Variants in PRAG1 observed in about 807,000 individuals in gnomAD.
PRAG1 encodes PEAK1 related, kinase-activating pseudokinase 1.
PRAG1 carries 110 observed loss-of-function variants against 95.6 expected under a neutral mutation model. That is an observed-to-expected ratio of 1.15 (90% CI 0.99 to 1.35). The LOEUF (loss-of-function observed/expected upper bound fraction) is 1.35, where lower values mean the gene tolerates loss of function less well. Among genes scored for constraint, PRAG1 ranks in the 40% most tolerant of loss-of-function variants. The pLI is 0.00. For missense variants in PRAG1, 2,554 were observed against 1,864.7 expected, an observed-to-expected ratio of 1.37 and a Z score of -6.81; for synonymous variants, 1,052 against 819.4, an observed-to-expected ratio of 1.28 and a Z score of -4.85.
At chr8:8,358,327 C>T (rs1799743894) in intron 3 of PRAG1, among the ~76,000 whole-genome samples, 2 of 152,198 alleles carry the variant, frequency 1.3e-5, no homozygotes, top group Non-Finnish European at 1.5e-5. Context: ...AGAGGTTCTG[C>T]TATTCAGAAA....
chr8:8,354,380 C>CAA (rs34910024), intron 3 of PRAG1, among the ~76,000 whole-genome samples: 1 of 139,088 alleles, frequency 7.2e-6, no homozygotes, highest in African/African-American at 2.6e-5. Context: ...TAAATTCTTC[C>CAA]AAAAAAAAAA....
intron 5 of PRAG1, among the ~76,000 whole-genome samples, chr8:8,323,001 A>G (rs1798520678): frequency 6.6e-6 from 1 of 152,216 alleles, no homozygotes; most frequent in Admixed American, 6.5e-5. Context: ...GAATAAATCT[A>G]ATATTTTACA....
rs755907827 is a variant in PRAG1 at position 8,327,730 on chromosome 8, C to A, written c.3052G>T (p.Gly1018Cys). 3 of 1,613,390 alleles carry A rather than the reference C, an allele frequency of 1.9e-6. No homozygotes were observed. The highest frequency in any genetic ancestry group is 2.5e-6 in the Non-Finnish European group (3 of 1,179,504). The change falls in exon 5 of 6, where the codon GGC becomes TGC. Residue 1018 changes from glycine (G) to cysteine (C), a missense_variant. Gly to Cys is a radical substitution (Grantham distance 159). Transcript: ENST00000615670. ...YYCATCSEDP[G>C]STYAVKICKA... ...CCTACTTTCACAGCATAGGTGCTGC[C>A]GGGGTCCTCAGAGCAGGTGGCACAG...
chr8:8,346,789 G>C (rs955070462), intron 3 of PRAG1, among the ~76,000 whole-genome samples: 1 of 152,212 alleles, frequency 6.6e-6, no homozygotes, highest in Non-Finnish European at 1.5e-5. Context: ...TGTGATTGAG[G>C]CCGATTTTCA....
intron 3 of PRAG1, among the ~76,000 whole-genome samples, chr8:8,366,171 T>A (rs929893012): frequency 6.6e-6 from 1 of 152,120 alleles, no homozygotes; most frequent in Non-Finnish European, 1.5e-5. Flanking sequence ...TCATGGGACG[T>A]TCATAATCAC....
At chr8:8,335,338 C>A (rs1314242438) in intron 4 of PRAG1, among the ~76,000 whole-genome samples, 2 of 151,982 alleles carry the variant, frequency 1.3e-5, no homozygotes, top group African/African-American at 4.8e-5. Context: ...GCAGCAATTT[C>A]AAAAAATGAG....
At chr8:8,349,041 C>G (rs1799433611) in intron 3 of PRAG1, among the ~76,000 whole-genome samples, 2 of 152,194 alleles carry the variant, frequency 1.3e-5, no homozygotes, top group Non-Finnish European at 2.9e-5. Context: ...CACAGAGCAA[C>G]TGATAACCAT....
At position 8,318,123 on chromosome 8, in the gene PRAG1, G is replaced by A. The variant is rs201630636; in HGVS notation, c.*31C>T. Reference sequence around the variant, plus strand: ...AGACAGGAAAGGGTTAGGCAGGGAAGGGGCAGCGACGGTGCAGGCTGGGGC... The same window carrying A: ...AGACAGGAAAGGGTTAGGCAGGGAAAGGGCAGCGACGGTGCAGGCTGGGGC... On this transcript the variant is annotated 3_prime_UTR_variant, in exon 6 of 6. Transcript: ENST00000615670. This position sits in a 1 kb window ranked among gnomAD's most constrained non-coding sequence, Gnocchi z 4.2. The A allele has an allele frequency of 4.4e-4, 698 of 1,577,978 alleles. 4 individuals are homozygous for A. The African/African-American group carries it at 8.1e-3, about 18-fold the overall frequency.
chr8:8,379,971 T>C (rs543388339), intron 2 of PRAG1, among the ~76,000 whole-genome samples: 34 of 152,348 alleles, frequency 2.2e-4, no homozygotes, highest in African/African-American at 7.2e-4. Flanking sequence ...CCAGGCATGG[T>C]GGCTTATGCC....
At chr8:8,344,086 A>T (rs1191528233) in intron 3 of PRAG1, among the ~76,000 whole-genome samples, 1 of 152,174 alleles carries the variant, frequency 6.6e-6, no homozygotes, top group East Asian at 1.9e-4. Flanking sequence ...TGCATTTTAT[A>T]TTTACTCACA....
In PRAG1 at chr8:8,379,764, G is replaced by A. The variant is rs114110925; in HGVS notation, c.330+1654C>T. ...TGTCTAAAGACAGCAGATGCCAGCA[G>A]ACCCGGGCTATGTGCCCTCTGAGTT... On this transcript the variant is annotated intron_variant, in intron 2 of 5. Coordinates refer to ENST00000615670, the MANE Select transcript of PRAG1 (RefSeq NM_001080826.3). Among the ~76,000 whole-genome samples, 335 of 152,346 alleles carry A rather than the reference G, an allele frequency of 2.2e-3. 1 individual carries two copies. Among genetic ancestry groups the A allele is most frequent in the African/African-American group, 7.8e-3 (323 of 41,572 alleles).
Position 8,328,209 on chromosome 8 carries a change from T to A in PRAG1, c.2573A>T (p.Asp858Val), listed in dbSNP as rs1448895640. The change falls in exon 5 of 6, where the codon GAC becomes GTC. Residue 858 changes from aspartate to valine, a missense_variant. Asp to Val is a radical substitution (Grantham distance 152). Coordinates refer to ENST00000615670, the MANE Select transcript of PRAG1 (RefSeq NM_001080826.3). The part of the protein sequence containing the change: ...NLSHSETNVH[D>V]ESHFSYSLSP... The stretch of plus-strand genomic sequence containing the variant: ...CAACGAATAGCTAAAGTGAGATTCG[T>A]CGTGGACGTTGGTTTCCGAGTGGCT... The A allele has an allele frequency of 6.2e-7, 1 of 1,614,180 alleles. No individual in the cohort carries two copies. Among genetic ancestry groups the A allele is most frequent in the South Asian group, 1.1e-5 (1 of 91,078 alleles).
At chr8:8,373,225 G>A (rs992823526) in intron 3 of PRAG1, among the ~76,000 whole-genome samples, 2 of 152,072 alleles carry the variant, frequency 1.3e-5, no homozygotes, top group African/African-American at 4.8e-5. Context: ...GGAAGACTCT[G>A]GGGTTCCTGG....
rs377214118 is a variant in PRAG1 at position 8,377,290 on chromosome 8, G to A, written c.1119C>T (p.Ala373=). Residue 373 remains alanine, a synonymous_variant, in exon 3 of 6, where the codon GCC becomes GCT. Transcript: ENST00000615670. The part of the protein sequence containing the change: ...SDYCSLMKEP[A]PEKQQDPGCP... ...AGCCAGGGTCCTGCTGCTTCTCTGG[G>A]GCAGGTTCCTTCATGAGGGAGCAGT... The A allele has an allele frequency of 2.9e-5, 46 of 1,612,808 alleles. No homozygotes were observed. In the African/African-American group the frequency reaches 5.2e-4, roughly 18 times the overall value.
intron 3 of PRAG1, among the ~76,000 whole-genome samples, chr8:8,373,189 T>G (rs1800271275): frequency 6.6e-6 from 1 of 152,282 alleles, no homozygotes; most frequent in African/African-American, 2.4e-5. Context: ...ACACTCTGAT[T>G]TGCCAACACC....
intron 3 of PRAG1, chr8:8,374,826 C>T (rs1585274100): frequency 3.1e-6 from 1 of 320,310 alleles, no homozygotes; most frequent in Non-Finnish European, 4.5e-6. Context: ...CCTGAGACGC[C>T]GTGATGTTCA....
At chr8:8,342,082 G>T (rs536086449) in intron 3 of PRAG1, among the ~76,000 whole-genome samples, 1 of 152,166 alleles carries the variant, frequency 6.6e-6, no homozygotes, top group Admixed American at 6.5e-5. Flanking sequence ...AGTGAGCCGA[G>T]ATGGTGCCAT....
intron 2 of PRAG1, among the ~76,000 whole-genome samples, chr8:8,380,512 T>A (rs1392571636): frequency 6.6e-6 from 1 of 151,340 alleles, no homozygotes; most frequent in African/African-American, 2.4e-5. Flanking sequence ...GGCAGGAGAA[T>A]TGCTTGAACC....
intron 3 of PRAG1, among the ~76,000 whole-genome samples, chr8:8,362,846 G>C (rs2979234): frequency 6.6e-6 from 1 of 151,986 alleles, no homozygotes; most frequent in Non-Finnish European, 1.5e-5. Flanking sequence ...TAGCCTGATT[G>C]GCTAACAATC....
Sources: allele counts gnomAD v4.1 joint callset (sites outside exome capture counted in the v4.1 genomes callset), GRCh38; gene constraint gnomAD v4.1.1; non-coding constraint Gnocchi (gnomAD v3.1); transcripts MANE v1.5; gene names NCBI Gene and HGNC (gene_info 2026-07-23, HGNC 2026-07-21).